The following B4GALNT3 variants were observed in gnomAD, a reference collection of about 807,000 sequenced individuals.
The protein encoded by B4GALNT3 is beta-1,4-N-acetylgalactosaminyltransferase 3.
B4GALNT3 carries 86 observed loss-of-function variants against 120.2 expected under a neutral mutation model. The observed-to-expected ratio is 0.72, with a 90% CI of 0.60 to 0.86. The LOEUF (loss-of-function observed/expected upper bound fraction) is 0.86, where lower values mean the gene tolerates loss of function less well. Among genes scored for constraint, B4GALNT3 ranks in the 40% least tolerant of loss-of-function variants. B4GALNT3 has a pLI of 0.00. For missense variants in B4GALNT3, 1,167 were observed against 1,298.9 expected (o/e 0.90, Z 1.56); for synonymous variants, 518 against 510.4 (o/e 1.01, Z -0.20).
At chr12:555,737 T>A (rs1405542358) in intron 14 of B4GALNT3, among the ~76,000 whole-genome samples, 10 of 152,338 alleles carry the variant, frequency 6.6e-5, no homozygotes, top group South Asian at 2.1e-4. Flanking sequence ...TACATCCTTA[T>A]CAACACTTGT....
At chr12:560,225 C>T (rs533722015) in intron 19 of B4GALNT3, among the ~76,000 whole-genome samples, 92 of 152,268 alleles carry the variant, frequency 6.0e-4, no homozygotes, top group Admixed American at 2.0e-3. Flanking sequence ...GCTGTAACAG[C>T]GTCCACAGGA....
In B4GALNT3 at chr12:550,898, C is replaced by A; in HGVS notation, c.998-24C>A. ...AGTTTCGTGCTCACCCTCACCCTCA[C>A]TCCTCCTCCTCCACTGTCCTCAGTG... On this transcript the variant is annotated intron_variant, in intron 10 of 19. Coordinates refer to ENST00000266383, the MANE Select transcript of B4GALNT3 (RefSeq NM_173593.4). This position sits in a 1 kb window ranked among gnomAD's most constrained non-coding sequence, Gnocchi z 4.1. 6.4e-7 allele frequency: 1 copy of A among 1,556,538 alleles called. No individual in the cohort carries two copies. Among genetic ancestry groups the A allele is most frequent in the Non-Finnish European group, 8.9e-7 (1 of 1,129,470 alleles).
intron 1 of B4GALNT3, among the ~76,000 whole-genome samples, chr12:523,784 C>T (rs1398174231): frequency 3.3e-5 from 5 of 152,290 alleles, no homozygotes; most frequent in East Asian, 1.9e-4. Context: ...AGATATAGGC[C>T]GGGCGCAGTG....
At chr12:552,301 AC>A in intron 12 of B4GALNT3, 138 bp downstream of exon 12, 1 of 492,246 alleles carries the variant, frequency 2.0e-6, no homozygotes, top group Non-Finnish European at 3.5e-6. Context: ...CTACACACAC[AC>A]ACACACACAC....
At chr12:524,646 AAAAAAAAAG>A (rs1052275865) in intron 1 of B4GALNT3, among the ~76,000 whole-genome samples, 9 of 103,318 alleles carry the variant, frequency 8.7e-5, no homozygotes, top group Admixed American at 3.7e-4. Context: ...TGTTAAAAAA[AAAAAAAAAG>A]AAAAAAGAAA....
intron 1 of B4GALNT3, among the ~76,000 whole-genome samples, chr12:512,225 T>TCTGCCTTCCAC (rs1555155143): frequency 1.9e-5 from 1 of 52,170 alleles, no homozygotes; most frequent in Non-Finnish European, 3.5e-5. Flanking sequence ...CCTTCCACCT[T>TCTGCCTTCCAC]CTTCCACCTT....
chr12:545,675 T>C (rs1255519933), intron 6 of B4GALNT3, among the ~76,000 whole-genome samples: 2 of 108,522 alleles, frequency 1.8e-5, no homozygotes, highest in Non-Finnish European at 3.8e-5. Flanking sequence ...GAGCGAGGTG[T>C]GGGGAGGAGC....
chr12:460,073 G>A lies in B4GALNT3; in HGVS notation c.-304G>A, dbSNP rs1224759237. ...GTGAGGGCGGGCGCGCAGGGAGGGA[G>A]GGCGGCAGCGAGCCTGCGACGGGAG... On this transcript the variant is annotated 5_prime_UTR_variant, in exon 1 of 20. Transcript: ENST00000266383. This position sits in a 1 kb window ranked among gnomAD's most constrained non-coding sequence, Gnocchi z 8.0. 6.6e-6 allele frequency among the ~76,000 whole-genome samples: 1 copy of A among 151,228 alleles called. No homozygotes were observed. The highest frequency in any genetic ancestry group is 6.6e-5 in the Admixed American group (1 of 15,218).
Position 489,445 on chromosome 12 carries a change from A to G in B4GALNT3, c.169+28900A>G, listed in dbSNP as rs111575513. Among the ~76,000 whole-genome samples the G allele has an allele frequency of 1.8e-3, 270 of 152,354 alleles. 2 individuals carry two copies. The highest frequency in any genetic ancestry group is 6.1e-3 in the African/African-American group (252 of 41,584). ...TATGATAGATATTATTAACCCAGGT[A>G]TTTTAATAATCATTTTAACTGTGAA... On this transcript the variant is annotated intron_variant, in intron 1 of 19. Transcript: ENST00000266383.
chr12:530,898 T>C (rs141879778), intron 1 of B4GALNT3, among the ~76,000 whole-genome samples: 2 of 152,260 alleles, frequency 1.3e-5, no homozygotes, highest in East Asian at 3.9e-4. Context: ...GGGCAGAATA[T>C]GAGGCCCACG....
intron 1 of B4GALNT3, among the ~76,000 whole-genome samples, chr12:520,132 G>A (rs1946693290): frequency 6.6e-6 from 1 of 152,166 alleles, no homozygotes; most frequent in Non-Finnish European, 1.5e-5. Flanking sequence ...AAATTGCTGG[G>A]GGTTAGGGGC....
intron 1 of B4GALNT3, among the ~76,000 whole-genome samples, chr12:491,334 CTT>C (rs34540336): frequency 1.8e-4 from 25 of 142,544 alleles, no homozygotes; most frequent in East Asian, 8.0e-4. Context: ...GATACAAATT[CTT>C]TTTTTTTTTT....
chr12:557,230 C>A (rs959931037), intron 15 of B4GALNT3, among the ~76,000 whole-genome samples: 1 of 152,090 alleles, frequency 6.6e-6, no homozygotes, highest in East Asian at 1.9e-4. Flanking sequence ...GAGGAACACA[C>A]AACAGGCAGA....
chr12:533,850 C>T (rs1401882340), intron 1 of B4GALNT3, among the ~76,000 whole-genome samples: 1 of 152,190 alleles, frequency 6.6e-6, no homozygotes, highest in African/African-American at 2.4e-5. Flanking sequence ...CCTGATCCCA[C>T]CCCTCCCCAG....
rs913473764 is a variant in B4GALNT3, at chr12:553,612, C to T, written c.1689C>T (p.Asn563=). 5.0e-6 allele frequency: 8 copies of T among 1,613,882 alleles called. No individual in the cohort carries two copies. The African/African-American group carries it at 5.3e-5, about 11-fold the overall frequency. Residue 563 remains asparagine (N), a synonymous_variant, in exon 14 of 20, where the codon AAC becomes AAT. Coordinates refer to ENST00000266383, the MANE Select transcript of B4GALNT3 (RefSeq NM_173593.4). ...GCCCCAGGAAGACTCAGTGGCTGAA[C>T]CAGGTGGAGTCGTACATCGCAGAGC... ...GDSPRKTQWL[N]QVESYIAEQR... is the part of the protein sequence containing the mutation.
intron 6 of B4GALNT3, among the ~76,000 whole-genome samples, chr12:545,827 G>A (rs1256582823): frequency 1.2e-5 from 1 of 83,732 alleles, no homozygotes; most frequent in African/African-American, 5.8e-5. Flanking sequence ...GGAGCGAGGA[G>A]TGGGGAGGTG....
At position 550,593 on chromosome 12, in the gene B4GALNT3, C is replaced by G. The variant is rs141458006; in HGVS notation, c.998-329C>G. Among the ~76,000 whole-genome samples the G allele has an allele frequency of 4.1e-4, 63 of 152,306 alleles. No individual in the cohort carries two copies. The highest frequency in any genetic ancestry group is 1.3e-3 in the African/African-American group (53 of 41,578). On this transcript the variant is annotated intron_variant, in intron 10 of 19. Transcript: ENST00000266383. The surrounding 1 kb of genome is among the most constrained non-coding windows in gnomAD (Gnocchi z 4.1). ...GGATGTTCAGCCCATGGTAGGAAAT[C>G]CAGTTATCGGTACTGTACGAGGGAG...
intron 1 of B4GALNT3, among the ~76,000 whole-genome samples, chr12:517,388 CTG>C (rs918536486): frequency 6.6e-6 from 1 of 151,972 alleles, no homozygotes; most frequent in African/African-American, 2.4e-5. Context: ...CTTCTGTACT[CTG>C]TGATTTAGGG....
chr12:533,120 C>G (rs1241280906), intron 1 of B4GALNT3, among the ~76,000 whole-genome samples: 4 of 152,226 alleles, frequency 2.6e-5, no homozygotes, highest in African/African-American at 9.6e-5. Context: ...ATGTGTCACC[C>G]AGGCACGCCT....
Sources: allele counts gnomAD v4.1 joint callset (sites outside exome capture counted in the v4.1 genomes callset), GRCh38; gene constraint gnomAD v4.1.1; non-coding constraint Gnocchi (gnomAD v3.1); transcripts MANE v1.5; gene names NCBI Gene and HGNC (gene_info 2026-07-23, HGNC 2026-07-21).